Variants in MDGA1 observed in about 807,000 individuals in gnomAD.
MDGA1 encodes the protein MAM domain-containing glycosylphosphatidylinositol anchor protein 1.
A neutral mutation model predicts 101.5 loss-of-function variants in MDGA1; 54 were observed. That is an observed-to-expected ratio of 0.53 (90% CI 0.43 to 0.67). The LOEUF (loss-of-function observed/expected upper bound fraction) is 0.67. MDGA1 is among the 30% of genes least tolerant of loss of function. The probability of loss-of-function intolerance (pLI) is 0.00; values close to 1 mark genes in which losing one functional copy is unlikely to be tolerated. For missense variants in MDGA1, 1,083 were observed against 1,323.8 expected (o/e 0.82, Z 2.82); for synonymous variants, 533 against 558.3 (o/e 0.95, Z 0.64).
chr6:37,693,426 A>G (rs1762354811), intron 1 of MDGA1, among the ~76,000 whole-genome samples: 1 of 152,250 alleles, frequency 6.6e-6, no homozygotes. Context: ...ATAGGATAGT[A>G]GTTTCTGATG....
At chr6:37,663,439 A>T (rs1044719823) in intron 2 of MDGA1, among the ~76,000 whole-genome samples, 1 of 152,214 alleles carries the variant, frequency 6.6e-6, no homozygotes, top group African/African-American at 2.4e-5. Context: ...GCTGGGAGGA[A>T]GCAGAGTAAG....
chr6:37,648,617 G>T, intron 9 of MDGA1: 1 of 322,430 alleles, frequency 3.1e-6, no homozygotes. Flanking sequence ...ATGTTTGAAA[G>T]CGGCGCGGTT....
intron 10 of MDGA1, among the ~76,000 whole-genome samples, chr6:37,646,643 A>G (rs1357333841): frequency 6.6e-6 from 1 of 152,214 alleles, no homozygotes; most frequent in Non-Finnish European, 1.5e-5. Flanking sequence ...AACTGAGGCC[A>G]AAGAGAGTAG....
At chr6:37,639,613 C>T (rs530916394) in intron 14 of MDGA1, 2 of 152,304 alleles carry the variant, frequency 1.3e-5, no homozygotes, top group African/African-American at 4.8e-5. Flanking sequence ...TGCCTTAGGG[C>T]CTTTGCTTGT....
intron 1 of MDGA1, among the ~76,000 whole-genome samples, chr6:37,693,569 C>T (rs2114116041): frequency 6.6e-6 from 1 of 152,356 alleles, no homozygotes; most frequent in Non-Finnish European, 1.5e-5. Flanking sequence ...AGAGGAATCC[C>T]ACTGACCTGC....
intron 1 of MDGA1, among the ~76,000 whole-genome samples, chr6:37,675,162 T>C (rs1195565158): frequency 6.6e-6 from 1 of 152,158 alleles, no homozygotes; most frequent in Non-Finnish European, 1.5e-5. Flanking sequence ...GATCAGAGGC[T>C]TTAAATGCAA....
intron 1 of MDGA1, among the ~76,000 whole-genome samples, chr6:37,690,555 G>T (rs1246854986): frequency 6.6e-6 from 1 of 152,088 alleles, no homozygotes; most frequent in Non-Finnish European, 1.5e-5. Flanking sequence ...GAGGCAGGCA[G>T]ATCACAAGGT....
chr6:37,693,366 C>T (rs1180485690), intron 1 of MDGA1, among the ~76,000 whole-genome samples: 4 of 152,208 alleles, frequency 2.6e-5, no homozygotes, highest in African/African-American at 9.6e-5. Flanking sequence ...AGCTGTGTTG[C>T]TCTTGTCAAA....
At chr6:37,684,238 C>T (rs546262441) in intron 1 of MDGA1, among the ~76,000 whole-genome samples, 11 of 152,288 alleles carry the variant, frequency 7.2e-5, no homozygotes, top group Admixed American at 3.3e-4. Flanking sequence ...ATGTTGGACC[C>T]GGTGGAGACT....
chr6:37,662,353 A>G (rs1761644731), intron 2 of MDGA1, among the ~76,000 whole-genome samples: 1 of 152,146 alleles, frequency 6.6e-6, no homozygotes, highest in East Asian at 1.9e-4. Flanking sequence ...CACATCTGTA[A>G]TCTCAGCACT....
At chr6:37,644,712 G>A (rs913201138) in intron 12 of MDGA1, 63 bp from the exon 13 acceptor site, 33 of 1,413,250 alleles carry the variant, frequency 2.3e-5, no homozygotes, top group South Asian at 9.9e-5. Flanking sequence ...GCCCAGCCTC[G>A]CCCCTCTCAC....
At chr6:37,674,885 G>A (rs777157115) in intron 1 of MDGA1, among the ~76,000 whole-genome samples, 1 of 151,960 alleles carries the variant, frequency 6.6e-6, no homozygotes, top group Non-Finnish European at 1.5e-5. Flanking sequence ...GTGAAACCTC[G>A]TCTCTACTAA....
intron 2 of MDGA1, among the ~76,000 whole-genome samples, chr6:37,661,003 A>G (rs4236057): frequency 0.84 from 128,451 of 152,200 alleles, 54,595 homozygotes; most frequent in East Asian, 1. Context: ...ATACAGACAG[A>G]TTTAGGGTTA....
chr6:37,640,791 G>A (rs1417715585), intron 14 of MDGA1, among the ~76,000 whole-genome samples: 1 of 152,114 alleles, frequency 6.6e-6, no homozygotes, highest in Non-Finnish European at 1.5e-5. Flanking sequence ...AGGAAGAAAT[G>A]GTATGGGAAT....
chr6:37,644,659 A>T lies in MDGA1; in HGVS notation c.2249-10T>A, dbSNP rs770079407. 1 of 1,555,618 alleles carries T rather than the reference A, an allele frequency of 6.4e-7. No individual in the cohort carries two copies. Among genetic ancestry groups the T allele is most frequent in the Non-Finnish European group, 8.7e-7 (1 of 1,149,892 alleles). On this transcript the variant is annotated splice_polypyrimidine_tract_variant and intron_variant, in intron 12 of 16. Transcript: ENST00000434837. ...AAGTGGCAGGTGTTGTCTGCATTTT[A>T]TGGGGCGAATGAGACAAAGAGTCAG...
Position 37,686,171 on chromosome 6 carries a change from T to C in MDGA1, c.67+10574A>G, listed in dbSNP as rs548427380. ...TGTAAGCAGAAGTCACTGCAGGGTG[T>C]TTCTGGGAAAGCTCCTTAAAGACAG... On this transcript the variant is annotated intron_variant, in intron 1 of 16. Transcript: ENST00000434837. 2.3e-3 allele frequency among the ~76,000 whole-genome samples: 351 copies of C among 152,174 alleles called. 2 individuals carry two copies. The highest frequency in any genetic ancestry group is 8.1e-3 in the African/African-American group (337 of 41,516).
intron 1 of MDGA1, among the ~76,000 whole-genome samples, chr6:37,671,920 C>G (rs945297339): frequency 1.6e-4 from 24 of 152,208 alleles, no homozygotes; most frequent in African/African-American, 4.8e-4. Flanking sequence ...GTAGGAGGAT[C>G]ACTTGAGCTC....
rs371776108 is a variant in MDGA1 at position 37,691,439 on chromosome 6, G to C, written c.67+5306C>G. On this transcript the variant is annotated intron_variant, in intron 1 of 16. Coordinates refer to ENST00000434837, the MANE Select transcript of MDGA1 (RefSeq NM_153487.4). Reference sequence around the variant, plus strand: ...TCATGTGGCACTTACACACTTATAAGGGATTGTTGTTCTGACCAACAATCC... The same window carrying C: ...TCATGTGGCACTTACACACTTATAACGGATTGTTGTTCTGACCAACAATCC... Among the ~76,000 whole-genome samples, 15 of 152,244 alleles carry C rather than the reference G, an allele frequency of 9.9e-5. No homozygotes were observed. In the South Asian group the frequency reaches 3.1e-3, roughly 32 times the overall value.
rs572173126 is a variant in MDGA1, at chr6:37,637,165, G to A, written c.*203C>T. The A allele has an allele frequency of 3.6e-6, 2 of 559,346 alleles. No homozygotes were observed. Among genetic ancestry groups the A allele is most frequent in the African/African-American group, 3.8e-5 (2 of 53,068 alleles). The allele number at this position is 559,346 out of a possible 1,614,324, so 34.6% of individuals were successfully genotyped here. On this transcript the variant is annotated 3_prime_UTR_variant, in exon 17 of 17. Transcript: ENST00000434837. ...TGTGAGCATGAGTGTGTGCGTGTGT[G>A]CAAGTGGAACAGCTGTCTCCAGGGC... is the stretch of plus-strand genomic sequence containing the variant.
Sources: allele counts gnomAD v4.1 joint callset (sites outside exome capture counted in the v4.1 genomes callset), GRCh38; gene constraint gnomAD v4.1.1; transcripts MANE v1.5; gene names NCBI Gene and HGNC (gene_info 2026-07-23, HGNC 2026-07-21).